Variants in DMD observed in about 807,000 individuals in gnomAD.
DMD encodes mutant dystrophin.
A neutral mutation model predicts 330.1 loss-of-function variants in DMD; 63 were observed. The ratio of observed to expected loss-of-function variants is 0.19; its 90% CI spans 0.16 to 0.24. DMD has a LOEUF of 0.24. DMD is among the 10% of genes least tolerant of loss of function. The pLI is 1.00. For synonymous variants in DMD, 1,223 were observed against 959.8 expected (o/e 1.27, Z -5.07); for missense variants, 3,344 against 2,684.1 (o/e 1.25, Z -5.43).
intron 50 of DMD, among the ~76,000 whole-genome samples, chrX:31,817,036 C>A (rs184927501): frequency 2.4e-4 from 27 of 111,475 alleles, no homozygotes; most frequent in African/African-American, 8.8e-4. Flanking sequence ...GAAACCCTTG[C>A]TTGCTTGCTT....
intron 7 of DMD, among the ~76,000 whole-genome samples, chrX:32,759,043 CTATCTT>C (rs201249621): frequency 0.073 from 8,243 of 112,193 alleles, 322 homozygotes; most frequent in Admixed American, 0.18. Context: ...CCAATTCTAA[CTATCTT>C]TAAGTTTCAG....
intron 44 of DMD, among the ~76,000 whole-genome samples, chrX:32,129,711 G>C (rs188000870): frequency 0.061 from 1,416 of 23,313 alleles, 20 homozygotes; most frequent in African/African-American, 0.12. Flanking sequence ...GATATGGAGA[G>C]AGAGAGAGAG....
At chrX:32,514,607 G>T (rs778504387) in intron 18 of DMD, among the ~76,000 whole-genome samples, 29 of 112,129 alleles carry the variant, frequency 2.6e-4, no homozygotes, top group Non-Finnish European at 4.1e-4. Context: ...CGGGTGTGGT[G>T]GCGGGCGCCT....
intron 1 of DMD, among the ~76,000 whole-genome samples, chrX:33,076,791 G>A (rs1175163149): frequency 2.7e-5 from 3 of 111,800 alleles, no homozygotes; most frequent in Admixed American, 9.5e-5. Flanking sequence ...GGACAGAGCC[G>A]ATTCATCAAG....
chrX:31,382,503 C>T (rs1478472241), intron 60 of DMD, among the ~76,000 whole-genome samples: 1 of 111,951 alleles, frequency 8.9e-6, no homozygotes, highest in African/African-American at 3.2e-5. Flanking sequence ...CAAACCACCA[C>T]TCTTAACTCT....
chrX:32,978,074 A>G (rs2147190663), intron 2 of DMD, among the ~76,000 whole-genome samples: 1 of 91,747 alleles, frequency 1.1e-5, no homozygotes, highest in Admixed American at 1.2e-4. Flanking sequence ...TAAAACCTGG[A>G]TAAACAGGAA....
intron 27 of DMD, among the ~76,000 whole-genome samples, chrX:32,447,379 A>G (rs977913020): frequency 6.3e-5 from 7 of 110,750 alleles, no homozygotes; most frequent in African/African-American, 2.0e-4. Flanking sequence ...CTGAGGAGTG[A>G]ATTGCATTTA....
At chrX:32,846,774 G>A (rs1319144717) in intron 3 of DMD, among the ~76,000 whole-genome samples, 4 of 102,222 alleles carry the variant, frequency 3.9e-5, no homozygotes, top group Non-Finnish European at 7.9e-5. Context: ...TGGGGAGGCT[G>A]AGGCAGGTGG....
At chrX:31,244,209 G>A (rs1175573659) in intron 63 of DMD, among the ~76,000 whole-genome samples, 1 of 111,967 alleles carries the variant, frequency 8.9e-6, no homozygotes, top group Non-Finnish European at 1.9e-5. Flanking sequence ...CCTGTAATTC[G>A]GAAAGTTTAC....
chrX:32,464,414 C>A (rs1049089525), intron 24 of DMD, among the ~76,000 whole-genome samples, 172 bp downstream of exon 24: 1 of 110,155 alleles, frequency 9.1e-6, no homozygotes, highest in Non-Finnish European at 1.9e-5. Context: ...ACACCAGTAG[C>A]ATCTAACCAC....
chrX:32,067,724 T>C (rs1302927367), intron 44 of DMD, among the ~76,000 whole-genome samples: 1 of 111,862 alleles, frequency 8.9e-6, no homozygotes, highest in African/African-American at 3.3e-5. Flanking sequence ...TTATGGTGTA[T>C]GTGTACAACA....
chrX:33,151,030 C>T (rs1254874680), intron 1 of DMD, among the ~76,000 whole-genome samples: 1 of 112,301 alleles, frequency 8.9e-6, no homozygotes, highest in African/African-American at 3.2e-5. Flanking sequence ...TCAAGGTTTT[C>T]AACAAGGGCA....
At chrX:32,690,667 T>TAG (rs60149447) in intron 9 of DMD, among the ~76,000 whole-genome samples, 15,469 of 110,480 alleles carry the variant, frequency 0.14, 2,599 homozygotes, top group African/African-American at 0.47. Context: ...TAGAACAGAA[T>TAG]AGAGCCCAGA....
chrX:32,548,327 C>T (rs1194602057), intron 16 of DMD, among the ~76,000 whole-genome samples: 2 of 111,681 alleles, frequency 1.8e-5, no homozygotes, highest in African/African-American at 3.2e-5. Flanking sequence ...ACCAAACATA[C>T]AGTAATCAAG....
chrX:32,854,961 C>T (rs182541247), intron 2 of DMD, among the ~76,000 whole-genome samples: 2 of 111,796 alleles, frequency 1.8e-5, no homozygotes, highest in East Asian at 2.8e-4. Flanking sequence ...TTCAACACAA[C>T]ATTAAAAAGG....
At chrX:31,882,398 T>C (rs369148695) in intron 47 of DMD, among the ~76,000 whole-genome samples, 7 of 111,624 alleles carry the variant, frequency 6.3e-5, no homozygotes, top group Admixed American at 9.5e-5. Flanking sequence ...AAATTCTAGA[T>C]TGTTTGCAGA....
intron 3 of DMD, among the ~76,000 whole-genome samples, chrX:32,849,144 G>T (rs988512890): frequency 9.0e-6 from 1 of 111,368 alleles, no homozygotes; most frequent in Non-Finnish European, 1.9e-5. Flanking sequence ...AATCTAAGAC[G>T]ATTATTTCAG....
chrX:32,342,373 A>C (rs895016440), intron 40 of DMD, 91 bp from the exon 41 acceptor site: 13 of 980,730 alleles, frequency 1.3e-5, no homozygotes, highest in Non-Finnish European at 1.8e-5. Flanking sequence ...AAAATTTCAA[A>C]GGCTGTTGTC....
intron 2 of DMD, among the ~76,000 whole-genome samples, chrX:32,978,440 A>C (rs2092612520): frequency 8.9e-6 from 1 of 112,172 alleles, no homozygotes; most frequent in Non-Finnish European, 1.9e-5. Context: ...TAAAATAGCA[A>C]AATAGCAAGC....
Sources: allele counts gnomAD v4.1 joint callset (sites outside exome capture counted in the v4.1 genomes callset), GRCh38; gene constraint gnomAD v4.1.1; transcripts MANE v1.5; gene names NCBI Gene and HGNC (gene_info 2026-07-23, HGNC 2026-07-21).